JAKMIP3: variants seen among roughly 807,000 people sequenced by gnomAD.
The protein encoded by JAKMIP3 is janus kinase and microtubule-interacting protein 3.
A neutral mutation model predicts 118.5 loss-of-function variants in JAKMIP3; 58 were observed. The observed-to-expected ratio is 0.49, with a 90% CI of 0.40 to 0.61. The LOEUF (loss-of-function observed/expected upper bound fraction) is 0.61, where lower values mean the gene tolerates loss of function less well. Among genes scored for constraint, JAKMIP3 ranks in the 20% least tolerant of loss-of-function variants. The probability of loss-of-function intolerance (pLI) is 0.00; values close to 1 mark genes in which losing one functional copy is unlikely to be tolerated. For missense variants in JAKMIP3, 950 were observed against 1,109.0 expected (o/e 0.86, Z 2.04); for synonymous variants, 486 against 451.2 (o/e 1.08, Z -0.98).
At chr10:132,147,150 T>G (rs564280731) in intron 13 of JAKMIP3, among the ~76,000 whole-genome samples, 63 of 152,306 alleles carry the variant, frequency 4.1e-4, no homozygotes, top group Admixed American at 4.0e-3. Flanking sequence ...AGGCCCACTG[T>G]GCAGCAGTAC....
At chr10:132,143,278 A>C (rs1488356096) in intron 11 of JAKMIP3, among the ~76,000 whole-genome samples, 1 of 152,136 alleles carries the variant, frequency 6.6e-6, no homozygotes, top group South Asian at 2.1e-4. Context: ...GAAAGGAAAA[A>C]GTCAAGGCCT....
At chr10:132,078,902 C>T (rs1224394714) in intron 1 of JAKMIP3, among the ~76,000 whole-genome samples, 3 of 152,228 alleles carry the variant, frequency 2.0e-5, no homozygotes, top group African/African-American at 4.8e-5. Context: ...CCGTGGCCGC[C>T]GTGCGCCCTG....
At chr10:132,102,338 T>A (rs1012055762) in intron 1 of JAKMIP3, among the ~76,000 whole-genome samples, 2 of 152,130 alleles carry the variant, frequency 1.3e-5, no homozygotes, top group Non-Finnish European at 2.9e-5. Context: ...CGGGACAACC[T>A]GGGTGCAGCC....
At chr10:132,139,438 A>G (rs2052919679) in intron 9 of JAKMIP3, among the ~76,000 whole-genome samples, 3 of 94,092 alleles carry the variant, frequency 3.2e-5, no homozygotes, top group Non-Finnish European at 6.3e-5. Context: ...GTTTGTGTGT[A>G]CATGTGAGTG....
At chr10:132,092,223 G>A (rs1368843489) in intron 1 of JAKMIP3, among the ~76,000 whole-genome samples, 1 of 152,046 alleles carries the variant, frequency 6.6e-6, no homozygotes, top group Non-Finnish European at 1.5e-5. Flanking sequence ...TTCAACTTTG[G>A]TGAATCTGAC....
At position 132,179,943 on chromosome 10, in the gene JAKMIP3, C is replaced by T. The variant is rs2060568284; in HGVS notation, c.*1104-2414C>T. On this transcript the variant is annotated intron_variant, in intron 23 of 23. Transcript: ENST00000684848. This position sits in a 1 kb window ranked among gnomAD's most constrained non-coding sequence, Gnocchi z 4.3. ...TGAGGTGCACACGGGGCACACACTC[C>T]CTCCAGCAGCAAAACACAGCCCCAT... 6.6e-6 allele frequency among the ~76,000 whole-genome samples: 1 copy of T among 152,168 alleles called. No homozygotes were observed. Among genetic ancestry groups the T allele is most frequent in the African/African-American group, 2.4e-5 (1 of 41,428 alleles).
intron 23 of JAKMIP3, among the ~76,000 whole-genome samples, chr10:132,180,546 C>CGCGCGCGCGTGT (rs1467305126): frequency 6.3e-5 from 1 of 15,966 alleles, no homozygotes; most frequent in African/African-American, 3.8e-4. Context: ...TGTGTGTGTG[C>CGCGCGCGCGTGT]GTGCGTGCAT....
intron 19 of JAKMIP3, among the ~76,000 whole-genome samples, chr10:132,155,874 G>A (rs551196030): frequency 1.2e-4 from 18 of 152,296 alleles, no homozygotes; most frequent in African/African-American, 4.1e-4. Context: ...CCCAGTGGTG[G>A]TGAGACCTGA....
At chr10:132,170,520 G>T (rs2059392513) in intron 23 of JAKMIP3, among the ~76,000 whole-genome samples, 1 of 152,174 alleles carries the variant, frequency 6.6e-6, no homozygotes, top group African/African-American at 2.4e-5. Context: ...GGGGCCTGGG[G>T]AGCAAGGCCC....
intron 1 of JAKMIP3, among the ~76,000 whole-genome samples, chr10:132,099,131 A>G (rs1589806206): frequency 6.6e-6 from 1 of 152,136 alleles, no homozygotes; most frequent in South Asian, 2.1e-4. Context: ...TGTCCTCTGC[A>G]TCGCGTGGTG....
chr10:132,141,812 A>C, intron 10 of JAKMIP3, 108 bp from the exon 11 acceptor site: 3 of 1,284,766 alleles, frequency 2.3e-6, no homozygotes, highest in Non-Finnish European at 3.2e-6. Context: ...CCCCCCATAC[A>C]CCATTTGATA....
At chr10:132,126,145 G>T (rs1020217437) in intron 3 of JAKMIP3, among the ~76,000 whole-genome samples, 4 of 152,178 alleles carry the variant, frequency 2.6e-5, no homozygotes, top group African/African-American at 9.7e-5. Context: ...AAGGCCTGCA[G>T]TGTAACTTTG....
At chr10:132,120,696 G>A (rs12412001) in intron 3 of JAKMIP3, among the ~76,000 whole-genome samples, 31,165 of 152,192 alleles carry the variant, frequency 0.2, 3,411 homozygotes, top group Admixed American at 0.29. Context: ...TCCAGCCACC[G>A]GGACCCTTTC....
intron 1 of JAKMIP3, among the ~76,000 whole-genome samples, chr10:132,094,186 A>G (rs1366190684): frequency 6.6e-6 from 1 of 151,728 alleles, no homozygotes; most frequent in East Asian, 1.9e-4. Flanking sequence ...TTATTTCCTT[A>G]AATTGGGCTT....
chr10:132,129,640 G>A (rs548777637), intron 3 of JAKMIP3, among the ~76,000 whole-genome samples: 9 of 152,302 alleles, frequency 5.9e-5, no homozygotes, highest in African/African-American at 1.7e-4. Flanking sequence ...GCGGGGCCCC[G>A]TGATGAGAGG....
chr10:132,153,151 C>T (rs940005709), intron 17 of JAKMIP3, 128 bp downstream of exon 17: 34 of 703,376 alleles, frequency 4.8e-5, no homozygotes, highest in Non-Finnish European at 3.8e-5. Context: ...CACTAAGCCC[C>T]GTCTGCCCTG....
chr10:132,063,392 A>G (rs1033078399), upstream of JAKMIP3, among the ~76,000 whole-genome samples: 6 of 111,560 alleles, frequency 5.4e-5, no homozygotes, highest in Admixed American at 1.0e-4. Context: ...ATTAGGGTGG[A>G]GCTGGCAATG....
intron 19 of JAKMIP3, among the ~76,000 whole-genome samples, chr10:132,156,354 A>G (rs1188243876): frequency 1.3e-5 from 2 of 152,166 alleles, no homozygotes; most frequent in Admixed American, 6.5e-5. Flanking sequence ...ACCCTCTAGA[A>G]CAGTGCTCTC....
chr10:132,055,094 G>T (rs750165846), intron 1 of JAKMIP3, among the ~76,000 whole-genome samples: 17 of 152,152 alleles, frequency 1.1e-4, no homozygotes, highest in Middle Eastern at 6.3e-3. Context: ...GGGCTGCTGG[G>T]GTTGGTTTTG....
Sources: allele counts gnomAD v4.1 joint callset (sites outside exome capture counted in the v4.1 genomes callset), GRCh38; gene constraint gnomAD v4.1.1; non-coding constraint Gnocchi (gnomAD v3.1); transcripts MANE v1.5; gene names NCBI Gene and HGNC (gene_info 2026-07-23, HGNC 2026-07-21).